Variants in FLNA observed in about 807,000 individuals in gnomAD.
FLNA encodes filamin-A.
Under a neutral mutation model 157.6 loss-of-function variants are expected in FLNA, and 7 were observed. The observed-to-expected ratio is 0.04, with a 90% CI of 0.03 to 0.08. The LOEUF is 0.08. Among genes scored for constraint, FLNA ranks in the 10% least tolerant of loss-of-function variants. The pLI is 1.00. For synonymous variants in FLNA, 1,103 were observed against 1,060.8 expected (o/e 1.04, Z -0.77); for missense variants, 1,750 against 2,398.4 (o/e 0.73, Z 5.65).
At position 154,370,865 on chromosome X, in the gene FLNA, T is replaced by TC. The variant is rs1157504778; in HGVS notation, c.373+7dup. On this transcript the variant is annotated splice_region_variant and intron_variant, in intron 2 of 47. Transcript: ENST00000369850. Reference sequence around the variant, plus strand: ...CCCGCCCGCCCGGCGCTTCGGGGCGTCCCTCACCGATGGACACCAGTTTGA... The same window carrying TC: ...CCCGCCCGCCCGGCGCTTCGGGGCGTCCCCTCACCGATGGACACCAGTTTGA... The TC allele has an allele frequency of 1.7e-6, 2 of 1,206,710 alleles. No individual in the cohort carries two copies. Among genetic ancestry groups the TC allele is most frequent in the African/African-American group, 3.5e-5 (2 of 57,097 alleles).
Position 154,352,844 on chromosome X carries a change from T to C in FLNA, c.6307A>G (p.Arg2103Gly), listed in dbSNP as rs370277156. The change falls in exon 39 of 48, where the codon AGG (arginine) becomes GGG (glycine). Residue 2103 changes from arginine (R) to glycine (G), a missense_variant. Transcript: ENST00000369850. ...NTEDLEDGTC[R>G]VTYCPTEPGN... is the part of the protein sequence containing the mutation. The stretch of plus-strand genomic sequence containing the variant: ...GGCTCTGTGGGGCAGTAGGTGACCC[T>C]GCACGTCCCGTCCTCCAGGTCCTCT... The C allele has an allele frequency of 1.9e-5, 23 of 1,209,958 alleles. No individual in the cohort carries two copies. The African/African-American group carries it at 3.8e-4, about 20-fold the overall frequency.
At chrX:154,355,857 G>GA (rs782388175) in intron 30 of FLNA, among the ~76,000 whole-genome samples, 1 of 112,899 alleles carries the variant, frequency 8.9e-6, no homozygotes, top group South Asian at 3.6e-4. Context: ...GTGGAGGCTT[G>GA]GGGGGCTGTG....
chrX:154,354,687 C>T lies in FLNA; in HGVS notation c.5242G>A (p.Val1748Met), dbSNP rs1020587429. 2 of 1,207,625 alleles carry T rather than the reference C, an allele frequency of 1.7e-6. No individual in the cohort carries two copies. Among genetic ancestry groups the T allele is most frequent in the Non-Finnish European group, 2.2e-6 (2 of 893,577 alleles). The change falls in exon 32 of 48, where the codon GTG (valine) becomes ATG (methionine). Residue 1748 changes from valine (V) to methionine (M), a missense_variant. Around this residue, in one of 5 missense-constraint regions of FLNA, gnomAD observed 970 missense variants for 1,302.6 expected, o/e 0.74. Coordinates refer to ENST00000369850, the MANE Select transcript of FLNA (RefSeq NM_001110556.2). Reference sequence around the variant, plus strand: ...TGCTGAGACCGTAGAGGGGGCTGCACCGAGGGCTGGTCCCCAGCCAGAGCC... The same window carrying T: ...TGCTGAGACCGTAGAGGGGGCTGCATCGAGGGCTGGTCCCCAGCCAGAGCC... ...VTALAGDQPS[V>M]QPPLRSQQLA... is the part of the protein sequence containing the mutation.
Position 154,362,081 on chromosome X carries a change from G to A in FLNA, c.2724C>T (p.Asp908=), listed in dbSNP as rs1557178153. 7 of 1,209,232 alleles carry A rather than the reference G, an allele frequency of 5.8e-6. No homozygotes were observed. The highest frequency in any genetic ancestry group is 1.8e-5 in the South Asian group (1 of 56,777). Residue 908 remains aspartate, a synonymous_variant, in exon 19 of 48, where the codon GAC becomes GAT. Transcript: ENST00000369850. ...CCTTGGTGAGTCCTGAGAACTGGACGTCCAGCTTGCCTTTGCCAGCAGCTT... is the reference window on the plus strand; with the variant it reads ...CCTTGGTGAGTCCTGAGAACTGGACATCCAGCTTGCCTTTGCCAGCAGCTT... ...NAKAAGKGKL[D]VQFSGLTKGD...
chrX:154,370,795 G>A, intron 2 of FLNA, 78 bp downstream of exon 2: 1 of 1,092,517 alleles, frequency 9.2e-7, no homozygotes, highest in Admixed American at 2.5e-5. Flanking sequence ...GGGTGGTTTG[G>A]AGGGGTCCGC....
At chrX:154,353,848 G>C (rs2067641583) in intron 35 of FLNA, 67 bp downstream of exon 35, 1 of 1,200,448 alleles carries the variant, frequency 8.3e-7, no homozygotes. Flanking sequence ...TATCTCCTGA[G>C]TCCAGCCCTT....
chrX:154,371,718 G>A (rs2067810304), intron 1 of FLNA, among the ~76,000 whole-genome samples: 1 of 113,041 alleles, frequency 8.8e-6, no homozygotes, highest in Non-Finnish European at 1.9e-5. Context: ...GGCCCCTGCG[G>A]GGGGTGGGGT....
At chrX:154,374,133 T>C (rs2067826431) in intron 1 of FLNA, among the ~76,000 whole-genome samples, 1 of 112,241 alleles carries the variant, frequency 8.9e-6, no homozygotes, top group Admixed American at 9.3e-5. Context: ...TCCTTCCAGG[T>C]GGCCACTCGC....
intron 1 of FLNA, among the ~76,000 whole-genome samples, chrX:154,373,814 C>G (rs1201818038): frequency 8.8e-6 from 1 of 113,343 alleles, no homozygotes; most frequent in East Asian, 2.8e-4. Context: ...ACGGTGCACT[C>G]GGAGCACTTA....
rs782391843 is a variant in FLNA, at chrX:154,358,347, T to C, written c.4607A>G (p.Lys1536Arg). ...GDEEVPRSPF[K>R]VKVLPTHDAS... Reference sequence around the variant, plus strand: ...ATCATGAGTAGGCAGCACCTTGACCTTGAAGGGGCTGTGAGGGATTGGTGT... The same window carrying C: ...ATCATGAGTAGGCAGCACCTTGACCCTGAAGGGGCTGTGAGGGATTGGTGT... The change falls in exon 28 of 48, where the codon AAG (lysine) becomes AGG (arginine). Residue 1536 changes from lysine to arginine, a missense_variant. Transcript: ENST00000369850. The C allele has an allele frequency of 2.5e-6, 3 of 1,211,198 alleles. No homozygotes were observed. The highest frequency in any genetic ancestry group is 1.8e-5 in the South Asian group (1 of 56,993).
chrX:154,367,768 G>C, intron 3 of FLNA, 30 bp from the exon 4 acceptor site: 1 of 1,210,696 alleles, frequency 8.3e-7, no homozygotes, highest in East Asian at 3.0e-5. Flanking sequence ...GTGAGTCTGG[G>C]GGCCGCAGAA....
rs782714867 is a variant in FLNA, at chrX:154,354,710, G to A, written c.5219C>T (p.Ala1740Val). 3.6e-5 allele frequency: 43 copies of A among 1,206,755 alleles called. No homozygotes were observed. The highest frequency in any genetic ancestry group is 4.8e-5 in the Non-Finnish European group (43 of 893,306). Residue 1740 changes from alanine (A) to valine (V), a missense_variant and splice_region_variant, in exon 32 of 48, where the codon GCT becomes GTT. Ala to Val is a moderately conservative substitution (Grantham distance 64, BLOSUM62 0). This residue lies in a region of FLNA where 970 missense variants were observed against 1,302.6 expected (regional missense o/e 0.74). Coordinates refer to ENST00000369850, the MANE Select transcript of FLNA (RefSeq NM_001110556.2). ...HVPNSPFQVT[A>V]LAGDQPSVQP... ...CACCGAGGGCTGGTCCCCAGCCAGA[G>A]CCTGCAGGGCAAAGCAGAGAGCTGC...
intron 28 of FLNA, 146 bp from the exon 29 acceptor site, chrX:154,357,769 G>A (rs2067674369): frequency 1.8e-6 from 1 of 565,305 alleles, no homozygotes; most frequent in South Asian, 2.5e-5. Flanking sequence ...CAAAAGGGCT[G>A]CCTGCACCTG....
chrX:154,349,791 G>T lies in FLNA; in HGVS notation c.7410C>A (p.Ser2470=), dbSNP rs368746337. 1.2e-4 allele frequency: 140 copies of T among 1,210,365 alleles called. No homozygotes were observed. Among genetic ancestry groups the T allele is most frequent in the Non-Finnish European group, 1.4e-4 (122 of 895,105 alleles). ...GALSVTIDGP[S]KVKMDCQECP... is the part of the protein sequence containing the mutation. ...ACTCCTGGCAATCCATCTTCACCTT[G>T]GAGGGGCCGTCAATGGTCACCGACA... Residue 2470 remains serine, a synonymous_variant, in exon 46 of 48, where the codon TCC becomes TCA. Coordinates refer to ENST00000369850, the MANE Select transcript of FLNA (RefSeq NM_001110556.2).
chrX:154,351,000 G>T lies in FLNA; in HGVS notation c.7065C>A (p.Val2355=). Residue 2355 remains valine (V), a synonymous_variant, in exon 44 of 48, where the codon GTC becomes GTA. Coordinates refer to ENST00000369850, the MANE Select transcript of FLNA (RefSeq NM_001110556.2). The part of the protein sequence containing the change: ...LKVNQPASFA[V]SLNGAKGAID... ...TCGCCCCCTTGGCCCCGTTCAGGCT[G>T]ACTGCAAAAGAGGCTGGCTGGTTGA... 3 of 1,211,544 alleles carry T rather than the reference G, an allele frequency of 2.5e-6. No individual in the cohort carries two copies. Among genetic ancestry groups the T allele is most frequent in the Non-Finnish European group, 3.4e-6 (3 of 895,162 alleles).
rs1557175896 is a variant in FLNA, at chrX:154,351,988, G to C, written c.6803C>G (p.Ala2268Gly). ...EFSIWTREAG[A>G]GGLAIAVEGP... ...CTCGACAGCAATGGCCAGGCCTCCA[G>C]CACCAGCTTCCCGGGTCCAGATACT... The change falls in exon 42 of 48, where the codon GCT becomes GGT. Residue 2268 changes from alanine to glycine, a missense_variant. Around this residue, in one of 5 missense-constraint regions of FLNA, gnomAD observed 970 missense variants for 1,302.6 expected, o/e 0.74. Transcript: ENST00000369850. The C allele has an allele frequency of 8.3e-7, 1 of 1,211,653 alleles. No individual in the cohort carries two copies. Among genetic ancestry groups the C allele is most frequent in the South Asian group, 1.8e-5 (1 of 57,061 alleles).
rs2067620243 is a variant in FLNA, at chrX:154,351,630, A to G, written c.6974T>C (p.Val2325Ala). The G allele has an allele frequency of 1.2e-5, 15 of 1,209,849 alleles. No homozygotes were observed. The highest frequency in any genetic ancestry group is 1.7e-5 in the Non-Finnish European group (15 of 893,687). ...GCGGGCGTCGCCAGACGGAGAAGCCACAGGCACCACGAAGGGGCTGTCGGG... is the reference window on the plus strand; with the variant it reads ...GCGGGCGTCGCCAGACGGAGAAGCCGCAGGCACCACGAAGGGGCTGTCGGG... ...HIPDSPFVVP[V>A]ASPSGDARRL... The change falls in exon 43 of 48, where the codon GTG becomes GCG. Residue 2325 changes from valine to alanine, a missense_variant. Physicochemically the swap from Val to Ala is moderately conservative, Grantham distance 64. This residue lies in a region of FLNA where 970 missense variants were observed against 1,302.6 expected (regional missense o/e 0.74). Transcript: ENST00000369850.
In FLNA at chrX:154,352,369, T is replaced by C; in HGVS notation, c.6581A>G (p.Glu2194Gly). Residue 2194 changes from glutamate to glycine, a missense_variant, in exon 41 of 48, where the codon GAG (glutamate) becomes GGG (glycine). By Grantham distance (98) the Glu-to-Gly change is moderately conservative. This residue lies in a region of FLNA where 970 missense variants were observed against 1,302.6 expected (regional missense o/e 0.74). Coordinates refer to ENST00000369850, the MANE Select transcript of FLNA (RefSeq NM_001110556.2). ...KTHEAEIVEG[E>G]NHTYCIRFVP... is the part of the protein sequence containing the mutation. ...AAAGCGGATGCAGTAGGTGTGGTTC[T>C]CCCCTTCCACGATCTCGGCCTCATG... The C allele has an allele frequency of 8.3e-7, 1 of 1,211,917 alleles. No homozygotes were observed. The highest frequency in any genetic ancestry group is 1.1e-6 in the Non-Finnish European group (1 of 895,537).
Position 154,359,395 on chromosome X carries a change from G to A in FLNA, c.4154C>T (p.Thr1385Met), listed in dbSNP as rs1273044438. ...KFTVETRGAGTGGLGLAVEGP... is the reference protein window; with the variant it reads ...KFTVETRGAGMGGLGLAVEGP... ...CTCTACAGCCAGGCCCAGGCCGCCC[G>A]TGCCAGCTCCCCTGGTCCAAACAGA... is the stretch of plus-strand genomic sequence containing the variant. The change falls in exon 25 of 48, where the codon ACG becomes ATG. Residue 1385 changes from threonine to methionine, a missense_variant. Around this residue, in one of 5 missense-constraint regions of FLNA, gnomAD observed 970 missense variants for 1,302.6 expected, o/e 0.74. Transcript: ENST00000369850. The A allele has an allele frequency of 6.6e-6, 8 of 1,210,405 alleles. No individual in the cohort carries two copies. The highest frequency in any genetic ancestry group is 1.7e-5 in the African/African-American group (1 of 57,552).
Sources: allele counts gnomAD v4.1 joint callset (sites outside exome capture counted in the v4.1 genomes callset), GRCh38; gene constraint gnomAD v4.1.1; regional missense constraint gnomAD v4.1.1; transcripts MANE v1.5; gene names NCBI Gene and HGNC (gene_info 2026-07-23, HGNC 2026-07-21).